MRPS10: variants seen among roughly 807,000 people sequenced by gnomAD.
The protein encoded by MRPS10 is small ribosomal subunit protein uS10m.
Under a neutral mutation model 27.5 loss-of-function variants are expected in MRPS10, and 23 were observed. The ratio of observed to expected loss-of-function variants is 0.84; its 90% CI spans 0.60 to 1.18. MRPS10 has a LOEUF of 1.18. MRPS10 is among the 50% of genes most tolerant of loss of function. The pLI is 0.00. For synonymous variants in MRPS10, 88 were observed against 84.2 expected (o/e 1.04, Z -0.25); for missense variants, 237 against 240.1 (o/e 0.99, Z 0.09).
chr6:42,210,210 C>T (rs901150295), intron 5 of MRPS10, among the ~76,000 whole-genome samples: 5 of 152,178 alleles, frequency 3.3e-5, no homozygotes, highest in Admixed American at 6.5e-5. Context: ...AAAAACTTCA[C>T]TAGAATTTTT....
intron 3 of MRPS10, among the ~76,000 whole-genome samples, chr6:42,213,404 T>C (rs553205973): frequency 6.6e-6 from 1 of 152,284 alleles, no homozygotes; most frequent in East Asian, 1.9e-4. Flanking sequence ...GCCGAGATCA[T>C]GCCACTGCAC....
At position 42,214,195 on chromosome 6, in the gene MRPS10, A is replaced by G. The variant is rs1280295165; in HGVS notation, c.114-3T>C. 16 of 1,612,048 alleles carry G rather than the reference A, an allele frequency of 9.9e-6. No homozygotes were observed. Among genetic ancestry groups the G allele is most frequent in the African/African-American group, 1.3e-5 (1 of 74,850 alleles). Reference sequence around the variant, plus strand: ...GTACCCACTTCATATTGGTACTGCTATGTGTGGGGAAAAAAAGAGAAACCT... The same window carrying G: ...GTACCCACTTCATATTGGTACTGCTGTGTGTGGGGAAAAAAAGAGAAACCT... On this transcript the variant is annotated splice_polypyrimidine_tract_variant and splice_region_variant and intron_variant, in intron 2 of 6. Transcript: ENST00000053468.
intron 1 of MRPS10, among the ~76,000 whole-genome samples, chr6:42,217,367 C>T (rs1293055155): frequency 1.3e-5 from 2 of 152,208 alleles, no homozygotes; most frequent in African/African-American, 2.4e-5. Flanking sequence ...TAACCCACTT[C>T]TCTGGCTTGA....
chr6:42,211,230 C>T (rs2113861682), intron 4 of MRPS10, among the ~76,000 whole-genome samples: 1 of 152,320 alleles, frequency 6.6e-6, no homozygotes, highest in East Asian at 1.9e-4. Context: ...AGCCAAAAAT[C>T]ATCACATCCA....
At position 42,217,153 on chromosome 6, in the gene MRPS10, T is replaced by C. The variant is rs540844168; in HGVS notation, c.48+649A>G. Among the ~76,000 whole-genome samples, 18 of 152,364 alleles carry C rather than the reference T, an allele frequency of 1.2e-4. No individual in the cohort carries two copies. The South Asian group carries it at 3.7e-3, about 32-fold the overall frequency. ...ATAAAGTATTAGTTGTAACATGTAA[T>C]GAGTTAGTGTTACTTTTAAATCAAT... On this transcript the variant is annotated intron_variant, in intron 1 of 6. Coordinates refer to ENST00000053468, the MANE Select transcript of MRPS10 (RefSeq NM_018141.4).
chr6:42,213,655 A>C (rs2113864630), intron 3 of MRPS10, among the ~76,000 whole-genome samples: 1 of 152,292 alleles, frequency 6.6e-6, no homozygotes. Flanking sequence ...GGATTGATGA[A>C]ATCATAGCTT....
At chr6:42,209,325 CA>C (rs1277691618) in intron 5 of MRPS10, among the ~76,000 whole-genome samples, 1 of 152,108 alleles carries the variant, frequency 6.6e-6, no homozygotes, top group East Asian at 1.9e-4. Flanking sequence ...CATAAAATCC[CA>C]GGCTCACAAA....
intron 1 of MRPS10, among the ~76,000 whole-genome samples, chr6:42,216,026 C>CTTTTTTTTTTTTTTTTTTTTT (rs34985131): frequency 3.3e-4 from 19 of 56,972 alleles, no homozygotes; most frequent in East Asian, 1.4e-3. Flanking sequence ...TTTTTCTTTT[C>CTTTTTTTTTTTTTTTTTTTTT]TTTTTTTTTT....
rs1267285716 is a variant in MRPS10, at chr6:42,207,221, TTTTC to T, written c.*1064_*1067del. The stretch of plus-strand genomic sequence containing the variant: ...AAATATTTACCTATGCTTTGCACAA[TTTTC>T]TTTTTTTTTTTTTGAGACGGCGTCT... On this transcript the variant is annotated 3_prime_UTR_variant, in exon 7 of 7. Coordinates refer to ENST00000053468, the MANE Select transcript of MRPS10 (RefSeq NM_018141.4). 10 of 103,304 alleles carry T rather than the reference TTTTC, an allele frequency of 9.7e-5. No homozygotes were observed. The South Asian group carries it at 2.4e-3, about 25-fold the overall frequency. The allele number at this position is 103,304 out of a possible 1,614,324, so 6.4% of individuals were successfully genotyped here. A position where few individuals can be genotyped will look rare whatever the true frequency, so the allele number is the denominator to read the frequency against.
In MRPS10 at chr6:42,211,865, A is replaced by T; in HGVS notation, c.239T>A (p.Val80Glu). ...CAATACAGCCTTATCGTGACCTTTCACCAAAACCGAGAGGCGCTTATATAA... is the reference window on the plus strand; with the variant it reads ...CAATACAGCCTTATCGTGACCTTTCTCCAAAACCGAGAGGCGCTTATATAA... The part of the protein sequence containing the change: ...DILYKRLSVL[V>E]KGHDKAVLDS... The change falls in exon 4 of 7, where the codon GTG becomes GAG. Residue 80 changes from valine to glutamate, a missense_variant. By Grantham distance (121) the Val-to-Glu change is moderately radical (BLOSUM62 -2). Transcript: ENST00000053468. 6.2e-7 allele frequency: 1 copy of T among 1,613,990 alleles called. No homozygotes were observed. Among genetic ancestry groups the T allele is most frequent in the Non-Finnish European group, 8.5e-7 (1 of 1,179,936 alleles).
At chr6:42,214,673 A>G (rs1768871833) in intron 1 of MRPS10, among the ~76,000 whole-genome samples, 1 of 152,228 alleles carries the variant, frequency 6.6e-6, no homozygotes, top group Admixed American at 6.5e-5. Flanking sequence ...TATTTTTTAC[A>G]AATTAATTGT....
At chr6:42,214,259 C>T (rs778673770) in intron 2 of MRPS10, 21 bp downstream of exon 2, 3 of 1,610,390 alleles carry the variant, frequency 1.9e-6, no homozygotes, top group African/African-American at 2.7e-5. Context: ...TTCAATTTAG[C>T]ACATCCAATT....
intron 5 of MRPS10, among the ~76,000 whole-genome samples, chr6:42,209,154 C>T (rs529354454): frequency 1.3e-5 from 2 of 151,938 alleles, no homozygotes; most frequent in Admixed American, 6.6e-5. Flanking sequence ...GCCACCATGT[C>T]CAGCTAATTT....
chr6:42,217,761 A>G (rs764933090), intron 1 of MRPS10, 41 bp downstream of exon 1: 19 of 1,607,624 alleles, frequency 1.2e-5, no homozygotes, highest in Non-Finnish European at 1.4e-5. Flanking sequence ...AAAAGCAACT[A>G]TCCCGGTCAG....
In MRPS10 at chr6:42,214,050, A is replaced by C. The variant is rs1768851550; in HGVS notation, c.186+70T>G. On this transcript the variant is annotated intron_variant, in intron 3 of 6. Transcript: ENST00000053468. ...TTCATAGAGTGTTTGGGGAAAAAAA[A>C]CCCAATGAAATAATAAGGAAAACCT... 5.9e-6 allele frequency: 8 copies of C among 1,355,394 alleles called. No homozygotes were observed. In the Admixed American group the frequency reaches 8.8e-5, roughly 15 times the overall value. The allele number at this position is 1,355,394 out of a possible 1,614,324, so 84.0% of individuals were successfully genotyped here.
At chr6:42,211,694 G>A (rs980550172) in intron 4 of MRPS10, 87 bp downstream of exon 4, 11 of 849,082 alleles carry the variant, frequency 1.3e-5, no homozygotes, top group South Asian at 1.9e-5. Context: ...AAAAAAAAGA[G>A]TTCAGACCTT....
At chr6:42,213,501 G>C (rs1372693086) in intron 3 of MRPS10, among the ~76,000 whole-genome samples, 1 of 152,102 alleles carries the variant, frequency 6.6e-6, no homozygotes, top group Non-Finnish European at 1.5e-5. Context: ...AGTTAGAAAA[G>C]AGCAGTAAAC....
At chr6:42,215,798 T>C (rs138116554) in intron 1 of MRPS10, among the ~76,000 whole-genome samples, 61 of 152,164 alleles carry the variant, frequency 4.0e-4, no homozygotes, top group African/African-American at 1.4e-3. Flanking sequence ...CATAACTCTA[T>C]AATCTTCTTT....
chr6:42,212,860 G>A (rs1248044245), intron 3 of MRPS10, among the ~76,000 whole-genome samples: 1 of 152,208 alleles, frequency 6.6e-6, no homozygotes, highest in African/African-American at 2.4e-5. Context: ...GCCTCAAGAT[G>A]TGTTCTGACT....
Sources: gnomAD v4.1 joint callset for allele counts (sites outside exome capture counted in the v4.1 genomes callset) on GRCh38, gnomAD v4.1.1 for gene constraint, MANE v1.5 for transcripts, NCBI Gene and HGNC (gene_info 2026-07-23, HGNC 2026-07-21) for gene names.